The following ABCB4 variants were observed in gnomAD, a reference collection of about 807,000 sequenced individuals.
ABCB4 encodes the protein phosphatidylcholine translocator ABCB4.
Under a neutral mutation model 145.7 loss-of-function variants are expected in ABCB4, and 76 were observed. That is an observed-to-expected ratio of 0.52 (90% CI 0.43 to 0.63). The LOEUF is 0.63. ABCB4 is among the 30% of genes least tolerant of loss of function. ABCB4 has a pLI of 0.00. For missense variants in ABCB4, 1,234 were observed against 1,553.1 expected (o/e 0.79, Z 3.45); for synonymous variants, 517 against 566.8 (o/e 0.91, Z 1.25).
In ABCB4 at chr7:87,402,102, G is replaced by A; in HGVS notation, c.3834C>T (p.Asn1278=). Residue 1278 remains asparagine (N), a synonymous_variant, in exon 28 of 28, where the codon AAC becomes AAT. Coordinates refer to ENST00000649586, the MANE Select transcript of ABCB4 (RefSeq NM_000443.4). The part of the protein sequence containing the change: ...SMVSVQAGTQ[N]L Reference sequence around the variant, plus strand: ...AATATACTGTAGCAAAAGTTCATAAGTTCTGTGTCCCAGCCTGGACACTGA... The same window carrying A: ...AATATACTGTAGCAAAAGTTCATAAATTCTGTGTCCCAGCCTGGACACTGA... 2 of 1,614,080 alleles carry A rather than the reference G, an allele frequency of 1.2e-6. No individual in the cohort carries two copies. The highest frequency in any genetic ancestry group is 1.7e-6 in the Non-Finnish European group (2 of 1,180,014).
intron 15 of ABCB4, among the ~76,000 whole-genome samples, chr7:87,430,778 C>T (rs1279809086): frequency 6.6e-6 from 1 of 152,150 alleles, no homozygotes; most frequent in Non-Finnish European, 1.5e-5. Context: ...CTGCCCACCT[C>T]AGCCTCCCAA....
At chr7:87,418,687 C>T (rs1254833210) in intron 19 of ABCB4, 67 bp from the exon 20 acceptor site, 1 of 1,473,376 alleles carries the variant, frequency 6.8e-7, no homozygotes, top group Non-Finnish European at 9.4e-7. Context: ...CAGACAAAGC[C>T]TCCCAAAGCT....
At position 87,441,787 on chromosome 7, in the gene ABCB4, A is replaced by G. The variant is rs547913880; in HGVS notation, c.1357-1385T>C. Among the ~76,000 whole-genome samples the G allele has an allele frequency of 2.0e-4, 30 of 152,186 alleles. No homozygotes were observed. In the South Asian group the frequency reaches 6.2e-3, roughly 32 times the overall value. ...CTATTTTAAAAAATATTTTGTAGAG[A>G]CAGATTCTCATTAGTTGCCCAGGAT... On this transcript the variant is annotated intron_variant, in intron 12 of 27. Transcript: ENST00000649586.
intron 2 of ABCB4, among the ~76,000 whole-genome samples, chr7:87,474,308 C>T (rs1012725590): frequency 6.6e-6 from 1 of 152,184 alleles, no homozygotes; most frequent in African/African-American, 2.4e-5. Context: ...TTTTCTATTG[C>T]GTGTGTAAGT....
At position 87,408,177 on chromosome 7, in the gene ABCB4, C is replaced by T; in HGVS notation, c.3139G>A (p.Ala1047Thr). The T allele has an allele frequency of 6.2e-7, 1 of 1,614,180 alleles. No homozygotes were observed. Among genetic ancestry groups the T allele is most frequent in the Non-Finnish European group, 8.5e-7 (1 of 1,180,014 alleles). The change falls in exon 25 of 28, where the codon GCA (alanine) becomes ACA (threonine). Residue 1047 changes from alanine (A) to threonine (T), a missense_variant. Coordinates refer to ENST00000649586, the MANE Select transcript of ABCB4 (RefSeq NM_000443.4). ...NEVVFNYPTR[A>T]NVPVLQGLSL... ...AGCCCCTGAAGCACTGGCACGTTTG[C>T]TCGGGTGGGATAGTTGAACACGACT...
At chr7:87,381,870 G>T in the ABCB4 span, 1 of 1,383,872 alleles carries the variant, frequency 7.2e-7, no homozygotes, top group South Asian at 1.3e-5. Flanking sequence ...GTTTTAAGTT[G>T]ACATAAAGTA....
chr7:87,469,686 G>C (rs973332817), intron 3 of ABCB4, among the ~76,000 whole-genome samples: 2 of 152,130 alleles, frequency 1.3e-5, no homozygotes, highest in African/African-American at 4.8e-5. Context: ...TCTTCAAGGA[G>C]AACTACAAAC....
chr7:87,443,549 T>C, intron 11 of ABCB4, 105 bp from the exon 12 acceptor site: 1 of 1,549,838 alleles, frequency 6.5e-7, no homozygotes, highest in Non-Finnish European at 8.9e-7. Flanking sequence ...AATAAGGGAA[T>C]ATAACCCCCA....
upstream of ABCB4, chr7:87,475,695 T>A: frequency 2.0e-6 from 1 of 496,290 alleles, no homozygotes; most frequent in Non-Finnish European, 3.5e-6. Flanking sequence ...CAGAGGGGCC[T>A]GGACTTTGCT....
At chr7:87,410,304 A>G (rs1208342798) in intron 23 of ABCB4, among the ~76,000 whole-genome samples, 1 of 152,138 alleles carries the variant, frequency 6.6e-6, no homozygotes, top group African/African-American at 2.4e-5. Flanking sequence ...TTAAGTTTTC[A>G]CCTTCAAATT....
intron 3 of ABCB4, among the ~76,000 whole-genome samples, chr7:87,472,144 T>G (rs1291276279): frequency 6.6e-6 from 1 of 152,170 alleles, no homozygotes; most frequent in Non-Finnish European, 1.5e-5. Context: ...AGAATGTGGG[T>G]CATTGACTAT....
chr7:87,449,301 T>A (rs1260927848), intron 8 of ABCB4, among the ~76,000 whole-genome samples: 1 of 152,100 alleles, frequency 6.6e-6, no homozygotes, highest in Non-Finnish European at 1.5e-5. Context: ...CAGGTTTTTC[T>A]CTTCTATATT....
intron 6 of ABCB4, chr7:87,452,378 C>CTTTTT (rs528084596): frequency 7.5e-6 from 1 of 134,108 alleles, no homozygotes; most frequent in Non-Finnish European, 1.6e-5. Context: ...TTGCTTTTCC[C>CTTTTT]TTTTTTTTTT....
the ABCB4 span, among the ~76,000 whole-genome samples, chr7:87,396,332 A>T: frequency 6.6e-6 from 1 of 152,220 alleles, no homozygotes; most frequent in Non-Finnish European, 1.5e-5. Context: ...GGTGACTTGA[A>T]GGAGATGAGT....
intron 4 of ABCB4, among the ~76,000 whole-genome samples, chr7:87,462,290 AT>A (rs1812508049): frequency 6.6e-6 from 1 of 152,198 alleles, no homozygotes; most frequent in Non-Finnish European, 1.5e-5. Context: ...TTGATCCAAA[AT>A]TAGAGACAGA....
chr7:87,420,657 T>C (rs1809349746), intron 18 of ABCB4, among the ~76,000 whole-genome samples: 1 of 152,228 alleles, frequency 6.6e-6, no homozygotes, highest in African/African-American at 2.4e-5. Context: ...TTACATTATT[T>C]GTATGTTAAC....
intron 4 of ABCB4, among the ~76,000 whole-genome samples, chr7:87,455,242 G>C (rs1258165088): frequency 6.6e-6 from 1 of 152,112 alleles, no homozygotes; most frequent in Non-Finnish European, 1.5e-5. Context: ...CTGTATTCTA[G>C]TATTTTTTGA....
chr7:87,416,921 AAAG>A, intron 21 of ABCB4, among the ~76,000 whole-genome samples: 1 of 152,246 alleles, frequency 6.6e-6, no homozygotes. Flanking sequence ...TCACAGCCAA[AAAG>A]AAGAGGATCT....
chr7:87,424,035 T>C lies in ABCB4; in HGVS notation c.2082A>G (p.Pro694=), dbSNP rs969381661. Residue 694 remains proline (P), a synonymous_variant, in exon 17 of 28, where the codon CCA becomes CCG. Transcript: ENST00000649586. ...GTTTCAGGACCTTCAGAAAGGACACTGGTGGCACATTTGCTTCCTAGAACA... is the reference window on the plus strand; with the variant it reads ...GTTTCAGGACCTTCAGAAAGGACACCGGTGGCACATTTGCTTCCTAGAACA... ...ETDGLEANVP[P]VSFLKVLKLN... is the part of the protein sequence containing the mutation. The C allele has an allele frequency of 3.1e-6, 5 of 1,613,970 alleles. No individual in the cohort carries two copies. The African/African-American group carries it at 6.7e-5, about 22-fold the overall frequency.
Sources: gnomAD v4.1 joint callset for allele counts (sites outside exome capture counted in the v4.1 genomes callset) on GRCh38, gnomAD v4.1.1 for gene constraint, MANE v1.5 for transcripts, NCBI Gene and HGNC (gene_info 2026-07-23, HGNC 2026-07-21) for gene names.